CCDC195: variants seen among roughly 807,000 people sequenced by gnomAD.
The protein encoded by CCDC195 is coiled-coil domain containing 195.
At chr2:224,704,520 AG>A (rs1697214500) in intron 2 of CCDC195, among the ~76,000 whole-genome samples, 1 of 149,066 alleles carries the variant, frequency 6.7e-6, no homozygotes, top group Non-Finnish European at 1.5e-5. Context: ...GGGAACAAAG[AG>A]GGTAGATAAG....
chr2:224,712,265 GGATGTGAGC>G (rs1237565228), intron 1 of CCDC195, among the ~76,000 whole-genome samples: 3 of 152,348 alleles, frequency 2.0e-5, no homozygotes, highest in Admixed American at 2.0e-4. Context: ...TGCCAGCAAA[GGATGTGAGC>G]AGAGAATCAG....
chr2:224,711,497 G>C (rs1000896993), intron 1 of CCDC195, among the ~76,000 whole-genome samples: 25 of 151,710 alleles, frequency 1.6e-4, no homozygotes, highest in Non-Finnish European at 3.1e-4. Flanking sequence ...ACCTCTACTT[G>C]GAGGTCTGGT....
chr2:224,711,829 A>C (rs1318201054), intron 1 of CCDC195, among the ~76,000 whole-genome samples: 3 of 152,180 alleles, frequency 2.0e-5, no homozygotes, highest in Admixed American at 6.5e-5. Context: ...ACTGAATTGT[A>C]GGAGAGGTCT....
chr2:224,711,192 C>T lies in CCDC195; in HGVS notation c.236-973G>A, dbSNP rs568758965. Among the ~76,000 whole-genome samples the T allele has an allele frequency of 1.6e-3, 236 of 152,168 alleles. 2 individuals carry two copies. Among genetic ancestry groups the T allele is most frequent in the Non-Finnish European group, 2.6e-3 (180 of 68,010 alleles). ...GGATGTCTATTGAGTGAGAGACAAA[C>T]GCAAAGGAGACACATGGCAAAGAGC... On this transcript the variant is annotated intron_variant, in intron 1 of 2. Coordinates refer to ENST00000638102, the Ensembl canonical transcript of CCDC195.
chr2:224,715,315 G>A (rs1208051543), intron 1 of CCDC195, among the ~76,000 whole-genome samples: 1 of 152,116 alleles, frequency 6.6e-6, no homozygotes, highest in Non-Finnish European at 1.5e-5. Context: ...CAATTTTAAT[G>A]TAGAGTATAT....
chr2:224,714,147 T>A (rs1689354502), intron 1 of CCDC195, among the ~76,000 whole-genome samples: 1 of 152,134 alleles, frequency 6.6e-6, no homozygotes, highest in African/African-American at 2.4e-5. Context: ...GCCTCACCAA[T>A]CCTTTTCAAA....
exon 1 of CCDC195, chr2:224,716,322 C>T (rs759632046): frequency 1.8e-5 from 7 of 398,518 alleles, no homozygotes; most frequent in Middle Eastern, 6.2e-4. Context: ...GATCTCTGCC[C>T]GCATTTCCTG....
chr2:224,715,827 A>G (rs1689376349), intron 1 of CCDC195, among the ~76,000 whole-genome samples: 1 of 152,222 alleles, frequency 6.6e-6, no homozygotes, highest in Non-Finnish European at 1.5e-5. Context: ...CAGCATTTAA[A>G]TGGCTGAAGT....
intron 2 of CCDC195, among the ~76,000 whole-genome samples, chr2:224,704,766 G>C (rs1234677443): frequency 1.3e-5 from 2 of 152,022 alleles, no homozygotes; most frequent in Non-Finnish European, 2.9e-5. Flanking sequence ...GGGATTACAG[G>C]TGCACGTCAC....
intron 1 of CCDC195, among the ~76,000 whole-genome samples, chr2:224,711,361 G>GTT (rs563860657): frequency 0.01 from 1,439 of 138,050 alleles, 17 homozygotes; most frequent in Middle Eastern, 0.019. Flanking sequence ...AATCTTCCCT[G>GTT]TTTTTTTTTT....
intron 1 of CCDC195, among the ~76,000 whole-genome samples, chr2:224,713,642 C>G (rs529223835): frequency 6.6e-6 from 1 of 152,166 alleles, no homozygotes; most frequent in East Asian, 1.9e-4. Flanking sequence ...ACTTACATTA[C>G]TTGCTATTAT....
intron 2 of CCDC195, among the ~76,000 whole-genome samples, chr2:224,708,148 C>T (rs1294120975): frequency 6.6e-5 from 10 of 152,068 alleles, no homozygotes. Flanking sequence ...AGCCACCGCA[C>T]CTAGCCACAT....
chr2:224,711,260 T>C (rs1379835274), intron 1 of CCDC195, among the ~76,000 whole-genome samples: 2 of 151,992 alleles, frequency 1.3e-5, no homozygotes, highest in Non-Finnish European at 2.9e-5. Context: ...CTGAAAGAGA[T>C]GGAGAGATTT....
At chr2:224,713,022 C>A (rs1453495001) in intron 1 of CCDC195, among the ~76,000 whole-genome samples, 1 of 152,130 alleles carries the variant, frequency 6.6e-6, no homozygotes, top group Non-Finnish European at 1.5e-5. Flanking sequence ...GCACGTGCCA[C>A]CACGCCCAGC....
chr2:224,709,959 G>A lies in CCDC195; in HGVS notation c.482+14C>T. The A allele has an allele frequency of 2.5e-6, 1 of 398,586 alleles. No individual in the cohort carries two copies. Among genetic ancestry groups the A allele is most frequent in the East Asian group, 3.6e-5 (1 of 28,070 alleles). 24.7% of individuals were successfully genotyped at this position (398,586 alleles called of 1,614,324 possible). On this transcript the variant is annotated intron_variant, in intron 2 of 2. Transcript: ENST00000638102. ...ATGGGCCTATTCACCAGCTTGAAGT[G>A]TATTTTACATTACCTGCAACCACAA...
At chr2:224,705,801 A>G (rs1303002604) in intron 2 of CCDC195, among the ~76,000 whole-genome samples, 4 of 152,258 alleles carry the variant, frequency 2.6e-5, no homozygotes, top group African/African-American at 9.6e-5. Flanking sequence ...CTTTAATACA[A>G]CCTTGCAATT....
intron 2 of CCDC195, among the ~76,000 whole-genome samples, chr2:224,705,079 T>C (rs925809047): frequency 6.6e-6 from 1 of 152,196 alleles, no homozygotes; most frequent in African/African-American, 2.4e-5. Context: ...TAAGATTCCC[T>C]TTTTACAGAA....
At chr2:224,712,331 G>A (rs1689326637) in intron 1 of CCDC195, among the ~76,000 whole-genome samples, 1 of 152,212 alleles carries the variant, frequency 6.6e-6, no homozygotes, top group Non-Finnish European at 1.5e-5. Flanking sequence ...CTTTACAGCG[G>A]CAAATTGCTT....
intron 1 of CCDC195, 125 bp from the exon 2 acceptor site, chr2:224,710,344 A>C: frequency 2.5e-6 from 1 of 395,756 alleles, no homozygotes; most frequent in Non-Finnish European, 4.4e-6. Flanking sequence ...CTTTTTTGGC[A>C]TAAAAGATAT....
Sources: gnomAD v4.1 joint callset for allele counts (sites outside exome capture counted in the v4.1 genomes callset) on GRCh38, gnomAD v4.1.1 for gene constraint, MANE v1.5 for transcripts, NCBI Gene and HGNC (gene_info 2026-07-23, HGNC 2026-07-21) for gene names.